CEP89: variants seen among roughly 807,000 people sequenced by gnomAD.
CEP89 encodes centrosomal protein of 89 kDa.
CEP89 carries 95 observed loss-of-function variants against 97.6 expected under a neutral mutation model. That is an observed-to-expected ratio of 0.97 (90% CI 0.82 to 1.15). CEP89 has a LOEUF of 1.15. CEP89 is among the 50% of genes most tolerant of loss of function. CEP89 has a pLI of 0.00. For missense variants in CEP89, 869 were observed against 947.7 expected, an observed-to-expected ratio of 0.92 and a Z score of 1.09; for synonymous variants, 354 against 349.1, an observed-to-expected ratio of 1.01 and a Z score of -0.16.
intron 2 of CEP89, among the ~76,000 whole-genome samples, chr19:32,965,097 T>C (rs1317441685): frequency 2.0e-5 from 3 of 152,076 alleles, no homozygotes; most frequent in East Asian, 1.9e-4. Context: ...ATTTTTGCTA[T>C]AGATAAGGAT....
chr19:32,882,089 C>T, intron 17 of CEP89, 76 bp from the exon 18 acceptor site: 1 of 1,260,756 alleles, frequency 7.9e-7, no homozygotes, highest in Non-Finnish European at 1.1e-6. Context: ...GCTGTGCTCC[C>T]TACCCACTCC....
intron 7 of CEP89, among the ~76,000 whole-genome samples, chr19:32,934,960 C>G (rs958623730): frequency 6.6e-6 from 1 of 152,152 alleles, no homozygotes; most frequent in African/African-American, 2.4e-5. Flanking sequence ...AAAAATCAAT[C>G]AATAAATAAA....
intron 3 of CEP89, among the ~76,000 whole-genome samples, chr19:32,955,088 G>C (rs1971019211): frequency 6.6e-6 from 1 of 152,036 alleles, no homozygotes. Context: ...CAGCTCAAGT[G>C]ATCCTCCTAC....
In CEP89 at chr19:32,953,684, C is replaced by T. The variant is rs78403716; in HGVS notation, c.423G>A (p.Gly141=). The T allele has an allele frequency of 6.2e-7, 1 of 1,613,976 alleles. No individual in the cohort carries two copies. Among genetic ancestry groups the T allele is most frequent in the Middle Eastern group, 1.6e-4 (1 of 6,062 alleles). The change falls in exon 4 of 19, where the codon GGG becomes GGA. Residue 141 remains glycine (G), a synonymous_variant. Coordinates refer to ENST00000305768, the MANE Select transcript of CEP89 (RefSeq NM_032816.5). ...TQLSSSGKEL[G]DVSAREDRGG... The stretch of plus-strand genomic sequence containing the variant: ...CTCTGTCCTCCCGGGCACTGACATC[C>T]CCCAATTCCTTGCCGCTGGATGACA...
chr19:32,944,149 C>T (rs1208780096), intron 5 of CEP89, among the ~76,000 whole-genome samples: 1 of 143,956 alleles, frequency 6.9e-6, no homozygotes, highest in African/African-American at 2.6e-5. Flanking sequence ...ATCAACTGAA[C>T]CCAGGTTGAG....
chr19:32,953,908 G>A (rs562047270), intron 3 of CEP89, 107 bp from the exon 4 acceptor site: 59 of 792,940 alleles, frequency 7.4e-5, no homozygotes, highest in South Asian at 4.3e-4. Flanking sequence ...TTGCTCTGTC[G>A]CCCAGGCTGG....
intron 17 of CEP89, 121 bp from the exon 18 acceptor site, chr19:32,882,134 G>A (rs17272274): frequency 0.12 from 90,296 of 759,354 alleles, 6,175 homozygotes; most frequent in Middle Eastern, 0.16. Flanking sequence ...TAGCAACCCC[G>A]GATAAGTTTG....
At position 32,931,433 on chromosome 19, in the gene CEP89, T is replaced by C. The variant is rs752067355; in HGVS notation, c.1025A>G (p.Glu342Gly). 1 of 1,578,506 alleles carries C rather than the reference T, an allele frequency of 6.3e-7. No homozygotes were observed. Among genetic ancestry groups the C allele is most frequent in the Admixed American group, 2.1e-5 (1 of 48,384 alleles). ...YQTKFRHLSK[E>G]ESLNIEGLPS... ...TTTCACAATCGGAAACGTTACCTCTTCCTTGGACAAATGCCTGAATTTTGT... is the reference window on the plus strand; with the variant it reads ...TTTCACAATCGGAAACGTTACCTCTCCCTTGGACAAATGCCTGAATTTTGT... Residue 342 changes from glutamate (E) to glycine (G), a missense_variant, in exon 9 of 19, where the codon GAA (glutamate) becomes GGA (glycine). Transcript: ENST00000305768.
chr19:32,892,984 C>G (rs1969565187), intron 16 of CEP89, among the ~76,000 whole-genome samples: 1 of 151,912 alleles, frequency 6.6e-6, no homozygotes, highest in South Asian at 2.1e-4. Flanking sequence ...AAATGATACA[C>G]AAAACAACCA....
intron 9 of CEP89, among the ~76,000 whole-genome samples, chr19:32,929,825 G>C (rs1010027078): frequency 6.6e-5 from 10 of 152,124 alleles, no homozygotes; most frequent in African/African-American, 2.4e-4. Context: ...TTAAAAGTTA[G>C]TATTATGTTA....
chr19:32,931,830 T>G (rs1291184080), intron 8 of CEP89, among the ~76,000 whole-genome samples: 3 of 152,148 alleles, frequency 2.0e-5, no homozygotes, highest in African/African-American at 7.2e-5. Flanking sequence ...AAAATAAAAA[T>G]TTCAAGTTGG....
In CEP89 at chr19:32,959,910, G is replaced by A; in HGVS notation, c.295C>T (p.Leu99=). The A allele has an allele frequency of 6.2e-7, 1 of 1,614,210 alleles. No individual in the cohort carries two copies. The highest frequency in any genetic ancestry group is 2.2e-5 in the East Asian group (1 of 44,884). Residue 99 remains leucine (L), a synonymous_variant, in exon 3 of 19, where the codon CTG becomes TTG. Transcript: ENST00000305768. The stretch of plus-strand genomic sequence containing the variant: ...CGATCTGGTACCTACCGAGGCCTCA[G>A]CTGTGAGGTGGTGGCATAGGGCTCG... ...FIEPYATTSQ[L]RPRPNWQSEM... is the part of the protein sequence containing the mutation.
intron 18 of CEP89, among the ~76,000 whole-genome samples, chr19:32,881,590 A>G (rs1969281697): frequency 6.6e-6 from 1 of 152,200 alleles, no homozygotes; most frequent in African/African-American, 2.4e-5. Flanking sequence ...GGAAGGCAGC[A>G]GAAAAAAAGA....
At chr19:32,927,485 T>TTAACC (rs752162846) in intron 9 of CEP89, among the ~76,000 whole-genome samples, 1 of 152,196 alleles carries the variant, frequency 6.6e-6, no homozygotes, top group Non-Finnish European at 1.5e-5. Flanking sequence ...ATACTATTTT[T>TTAACC]TAACCTAACC....
intron 1 of CEP89, 26 bp downstream of exon 1, chr19:32,971,810 C>A (rs1050554387): frequency 6.3e-7 from 1 of 1,585,558 alleles, no homozygotes; most frequent in Admixed American, 1.7e-5. Flanking sequence ...CAGAGCCCCA[C>A]GCGCGGCGGG....
chr19:32,935,284 CAG>C (rs1314521657), intron 7 of CEP89, among the ~76,000 whole-genome samples: 1 of 152,138 alleles, frequency 6.6e-6, no homozygotes, highest in African/African-American at 2.4e-5. Context: ...GTGCAGTAAA[CAG>C]AGGTAGCATC....
chr19:32,935,573 C>A (rs1970562831), intron 7 of CEP89, among the ~76,000 whole-genome samples: 1 of 152,146 alleles, frequency 6.6e-6, no homozygotes, highest in South Asian at 2.1e-4. Flanking sequence ...CCAGCAATCG[C>A]CCAGAATACA....
At chr19:32,887,892 TAACA>T (rs1441557064) in intron 16 of CEP89, 51 bp from the exon 17 acceptor site, 8 of 1,050,174 alleles carry the variant, frequency 7.6e-6, no homozygotes, top group Middle Eastern at 2.0e-4. Context: ...AAAATTGAAA[TAACA>T]AACAATTATT....
rs750448528 is a variant in CEP89 at position 32,944,220 on chromosome 19, T to TAAAAAAAA, written c.595+4038_595+4045dup. 3.0e-4 allele frequency among the ~76,000 whole-genome samples: 19 copies of TAAAAAAAA among 62,412 alleles called. 2 individuals carry two copies. The highest frequency in any genetic ancestry group is 5.8e-4 in the Admixed American group (3 of 5,186). 40.9% of individuals were successfully genotyped at this position (62,412 alleles called of 152,430 possible). On this transcript the variant is annotated intron_variant, in intron 5 of 18. Coordinates refer to ENST00000305768, the MANE Select transcript of CEP89 (RefSeq NM_032816.5). The stretch of plus-strand genomic sequence containing the variant: ...GCCTGGGCAACAGAGTGAGACCCTG[T>TAAAAAAAA]AAAAAAAAAAAAAAAAAGACTCTTC...
Sources: gnomAD v4.1 joint callset for allele counts (sites outside exome capture counted in the v4.1 genomes callset) on GRCh38, gnomAD v4.1.1 for gene constraint, MANE v1.5 for transcripts, NCBI Gene and HGNC (gene_info 2026-07-23, HGNC 2026-07-21) for gene names.